MEF2C: variants seen among roughly 807,000 people sequenced by gnomAD.
MEF2C encodes myocyte-specific enhancer factor 2C.
Under a neutral mutation model 50.5 loss-of-function variants are expected in MEF2C, and 6 were observed. The observed-to-expected ratio is 0.12, with a 90% CI of 0.07 to 0.23. The LOEUF (loss-of-function observed/expected upper bound fraction) is 0.23. MEF2C is among the 10% of genes least tolerant of loss of function. MEF2C has a pLI of 1.00. For synonymous variants in MEF2C, 183 were observed against 228.0 expected (o/e 0.80, Z 1.78); for missense variants, 276 against 605.0 (o/e 0.46, Z 5.70).
chr5:88,788,722 A>G (rs530548679), intron 3 of MEF2C, among the ~76,000 whole-genome samples: 1 of 152,358 alleles, frequency 6.6e-6, no homozygotes, highest in African/African-American at 2.4e-5. Flanking sequence ...TGGCTAGGCT[A>G]CCTTACAGAT....
At chr5:88,788,819 T>C (rs1792310170) in intron 3 of MEF2C, among the ~76,000 whole-genome samples, 1 of 152,224 alleles carries the variant, frequency 6.6e-6, no homozygotes, top group Admixed American at 6.5e-5. Context: ...ATAATTGTCA[T>C]AGTATAGGTG....
At chr5:88,747,955 A>G (rs943627490) in intron 6 of MEF2C, 2 of 639,018 alleles carry the variant, frequency 3.1e-6, no homozygotes, top group African/African-American at 4.0e-5. Context: ...GCAAAATACT[A>G]CGTGAGTTTA....
At chr5:88,871,015 A>T (rs945991827) in intron 1 of MEF2C, among the ~76,000 whole-genome samples, 4 of 152,106 alleles carry the variant, frequency 2.6e-5, no homozygotes, top group African/African-American at 9.7e-5. Context: ...AGTATTGTTT[A>T]AACAGTTGGC....
At chr5:88,867,927 G>C (rs951551997) in intron 1 of MEF2C, among the ~76,000 whole-genome samples, 3 of 152,170 alleles carry the variant, frequency 2.0e-5, no homozygotes, top group Non-Finnish European at 4.4e-5. Context: ...CGCGTGCAGC[G>C]AGACTCTTTG....
chr5:88,788,861 A>G (rs550356946), intron 3 of MEF2C, among the ~76,000 whole-genome samples: 1 of 152,312 alleles, frequency 6.6e-6, no homozygotes, highest in East Asian at 1.9e-4. Context: ...AAATGTGTAC[A>G]GTAACTTTCA....
chr5:88,786,001 C>T (rs1790693665), intron 3 of MEF2C, among the ~76,000 whole-genome samples: 1 of 152,142 alleles, frequency 6.6e-6, no homozygotes, highest in African/African-American at 2.4e-5. Context: ...CTATTCCACG[C>T]CTATTCCTCT....
chr5:88,783,122 C>G (rs1788979805), intron 3 of MEF2C, among the ~76,000 whole-genome samples: 1 of 152,144 alleles, frequency 6.6e-6, no homozygotes, highest in Non-Finnish European at 1.5e-5. Flanking sequence ...GGCTGCCTGT[C>G]CTGACCTTTT....
chr5:88,850,357 G>T (rs1172137057), intron 1 of MEF2C, among the ~76,000 whole-genome samples: 1 of 152,160 alleles, frequency 6.6e-6, no homozygotes, highest in Non-Finnish European at 1.5e-5. Context: ...CAGATGAAAT[G>T]GAGGCAAAGA....
chr5:88,754,574 T>C (rs1774379320), intron 4 of MEF2C, among the ~76,000 whole-genome samples: 1 of 152,196 alleles, frequency 6.6e-6, no homozygotes, highest in Non-Finnish European at 1.5e-5. Context: ...AGGGAGCATT[T>C]TGGAAATCTG....
In MEF2C at chr5:88,742,150, A is replaced by G. The variant is rs1482920835; in HGVS notation, c.637+6920T>C. The G allele has an allele frequency of 3.0e-6, 3 of 985,286 alleles. No homozygotes were observed. The Admixed American group carries it at 1.8e-4, about 61-fold the overall frequency. 61.0% of individuals were successfully genotyped at this position (985,286 alleles called of 1,614,324 possible). A position where few individuals can be genotyped will look rare whatever the true frequency, so the allele number is the denominator to read the frequency against. On this transcript the variant is annotated intron_variant, in intron 6 of 10. Transcript: ENST00000504921. ...AAAGTCCCTGGTAAGTAAAAAACTG[A>G]TTTCCAAAAGAGGGGGTTTTTAACC...
At chr5:88,891,632 G>A (rs1834589591) in intron 1 of MEF2C, among the ~76,000 whole-genome samples, 1 of 151,834 alleles carries the variant, frequency 6.6e-6, no homozygotes, top group South Asian at 2.1e-4. Flanking sequence ...GGATGGTCTC[G>A]ATCTCCTGAC....
At chr5:88,823,651 T>G in intron 2 of MEF2C, 84 bp downstream of exon 2, 2 of 1,268,512 alleles carry the variant, frequency 1.6e-6, no homozygotes, top group Non-Finnish European at 2.2e-6. Flanking sequence ...TATTTACAGA[T>G]TCAAGATATT....
intron 3 of MEF2C, among the ~76,000 whole-genome samples, chr5:88,798,744 C>CT (rs1797055511): frequency 6.6e-6 from 1 of 152,120 alleles, no homozygotes; most frequent in African/African-American, 2.4e-5. Context: ...AATTTTCAGC[C>CT]TTTTTGCACT....
intron 3 of MEF2C, chr5:88,769,980 A>G (rs1223761234): frequency 7.1e-6 from 7 of 985,264 alleles, no homozygotes; most frequent in Non-Finnish European, 8.4e-6. Context: ...AGTTAAGAAA[A>G]GAAAGGCTGG....
intron 1 of MEF2C, among the ~76,000 whole-genome samples, chr5:88,900,491 T>A (rs1053044418): frequency 1.8e-4 from 28 of 151,910 alleles, no homozygotes; most frequent in Admixed American, 1.8e-3. Flanking sequence ...ATAATTTTTT[T>A]ATTTCTGCTA....
At chr5:88,752,783 T>G (rs1773445803) in intron 4 of MEF2C, 1 of 985,152 alleles carries the variant, frequency 1.0e-6, no homozygotes, top group South Asian at 4.7e-5. Context: ...CAGGTTTCAA[T>G]GATTGATTTT....
chr5:88,738,389 C>G, intron 6 of MEF2C: 3 of 984,528 alleles, frequency 3.0e-6, no homozygotes, highest in Non-Finnish European at 3.6e-6. Context: ...TATGTAAGTG[C>G]TAGATATTGT....
chr5:88,767,342 T>C (rs950242135), intron 3 of MEF2C, among the ~76,000 whole-genome samples: 7 of 152,226 alleles, frequency 4.6e-5, no homozygotes, highest in Non-Finnish European at 7.3e-5. Context: ...TTAATAAAAC[T>C]GTAAGCATTG....
At chr5:88,822,628 C>T (rs2153220073) in intron 2 of MEF2C, among the ~76,000 whole-genome samples, 1 of 152,030 alleles carries the variant, frequency 6.6e-6, no homozygotes, top group African/African-American at 2.4e-5. Flanking sequence ...ATAGTTTACA[C>T]ATGAAACAAC....
Sources: allele counts gnomAD v4.1 joint callset (sites outside exome capture counted in the v4.1 genomes callset), GRCh38; gene constraint gnomAD v4.1.1; transcripts MANE v1.5; gene names NCBI Gene and HGNC (gene_info 2026-07-23, HGNC 2026-07-21).